DGKD: variants seen among roughly 807,000 people sequenced by gnomAD.
DGKD encodes the protein diacylglycerol kinase delta.
In DGKD, 68 loss-of-function variants were observed where a neutral mutation model predicts 154.4. That is an observed-to-expected ratio of 0.44 (90% confidence interval 0.36 to 0.54). The LOEUF is 0.54. Ranked by LOEUF, DGKD falls within the 20% of genes least tolerant of loss-of-function variation. The pLI is 0.00. For missense variants in DGKD, 1,343 were observed against 1,593.6 expected (o/e 0.84, Z 2.68); for synonymous variants, 693 against 638.0 (o/e 1.09, Z -1.30).
chr2:233,362,639 G>A (rs766732756), intron 1 of DGKD, among the ~76,000 whole-genome samples: 14 of 152,080 alleles, frequency 9.2e-5, no homozygotes, highest in Non-Finnish European at 1.6e-4. Context: ...CGACAAGAGC[G>A]AAACTCTGTA....
intron 16 of DGKD, among the ~76,000 whole-genome samples, chr2:233,450,517 C>T (rs1370282072): frequency 2.0e-5 from 3 of 152,172 alleles, no homozygotes; most frequent in Non-Finnish European, 2.9e-5. Context: ...CCTTGCCCCT[C>T]CTGGAACAGC....
chr2:233,382,432 G>C (rs1415713108), intron 1 of DGKD, among the ~76,000 whole-genome samples: 1 of 152,146 alleles, frequency 6.6e-6, no homozygotes, highest in Non-Finnish European at 1.5e-5. Context: ...GAAGGACCGG[G>C]GAAGTCTAAA....
chr2:233,463,634 C>CTCCTCACTCCACGCATG lies in DGKD; in HGVS notation c.3187-521_3187-505dup, dbSNP rs1412660591. Among the ~76,000 whole-genome samples, 138 of 148,806 alleles carry CTCCTCACTCCACGCATG rather than the reference C, an allele frequency of 9.3e-4. 4 individuals carry two copies. In the East Asian group the frequency reaches 0.022, roughly 24 times the overall value. ...CCACGCATCTCCTCACTCCACGCAT[C>CTCCTCACTCCACGCATG]TCCTCACTCCACGCATGTCCTCACT... On this transcript the variant is annotated intron_variant, in intron 26 of 29. Transcript: ENST00000264057.
intron 3 of DGKD, among the ~76,000 whole-genome samples, chr2:233,432,293 A>G (rs1261635725): frequency 1.1e-5 from 1 of 94,008 alleles, no homozygotes; most frequent in South Asian, 2.7e-4. Flanking sequence ...TGGGAGGCCA[A>G]GGTGGGCGGA....
chr2:233,424,973 T>G (rs775301150), intron 3 of DGKD, among the ~76,000 whole-genome samples: 3 of 152,184 alleles, frequency 2.0e-5, no homozygotes, highest in Non-Finnish European at 4.4e-5. Context: ...GATCACTCCC[T>G]GCGGTTTAAT....
At chr2:233,384,188 C>T (rs143712675) in intron 1 of DGKD, among the ~76,000 whole-genome samples, 1 of 152,242 alleles carries the variant, frequency 6.6e-6, no homozygotes, top group Non-Finnish European at 1.5e-5. Flanking sequence ...CCACCATGTC[C>T]GCTCTGGCAG....
chr2:233,385,796 C>A (rs1334195727), intron 1 of DGKD: 1 of 369,312 alleles, frequency 2.7e-6, no homozygotes, highest in African/African-American at 2.1e-5. Context: ...ATAGTACTCA[C>A]AAGCAGCGAA....
intron 3 of DGKD, among the ~76,000 whole-genome samples, chr2:233,396,373 T>G (rs1284210893): frequency 6.6e-6 from 1 of 152,268 alleles, no homozygotes; most frequent in Admixed American, 6.5e-5. Context: ...TTTGGGAATT[T>G]GGCTCGTTTA....
At chr2:233,469,340 G>A (rs779951424) in intron 29 of DGKD, 31 bp from the exon 30 acceptor site, 61 of 1,584,302 alleles carry the variant, frequency 3.9e-5, no homozygotes, top group Middle Eastern at 1.7e-4. Flanking sequence ...CTGTCTTCTC[G>A]GCATCCATGG....
Position 233,429,184 on chromosome 2 carries a change from C to G in DGKD, c.349-5196C>G, listed in dbSNP as rs989085565. Reference sequence around the variant, plus strand: ...GAGTTCTGGAGCAAAGTTGGCACTTCAGCTCGTAAAGGCTGCCGTGGGAGT... The same window carrying G: ...GAGTTCTGGAGCAAAGTTGGCACTTGAGCTCGTAAAGGCTGCCGTGGGAGT... On this transcript the variant is annotated intron_variant, in intron 3 of 29. Transcript: ENST00000264057. The G allele has an allele frequency of 3.0e-6, 3 of 985,420 alleles. No individual in the cohort carries two copies. In the Admixed American group the frequency reaches 1.8e-4, roughly 61 times the overall value. 61.0% of individuals were successfully genotyped at this position (985,420 alleles called of 1,614,324 possible). A position where few individuals can be genotyped will look rare whatever the true frequency, so the allele number is the denominator to read the frequency against.
At chr2:233,359,886 G>A (rs1701701701) in intron 1 of DGKD, among the ~76,000 whole-genome samples, 2 of 152,114 alleles carry the variant, frequency 1.3e-5, no homozygotes, top group Non-Finnish European at 2.9e-5. Context: ...ATGAGGAGAG[G>A]GCCAGAATAC....
intron 12 of DGKD, 83 bp from the exon 13 acceptor site, chr2:233,448,004 A>C: frequency 6.3e-7 from 1 of 1,592,796 alleles, no homozygotes; most frequent in Non-Finnish European, 8.5e-7. Context: ...GCTGGCAAGG[A>C]AGTGGCTGAC....
rs147727624 is a variant in DGKD, at chr2:233,448,340, G to A, written c.1579G>A (p.Glu527Lys). The A allele has an allele frequency of 1.1e-5, 18 of 1,613,994 alleles. No individual in the cohort carries two copies. Among genetic ancestry groups the A allele is most frequent in the Non-Finnish European group, 1.4e-5 (16 of 1,180,024 alleles). Reference protein sequence around the residue: ...RVGKAYEKTTESSEESEVMAK... With the variant: ...RVGKAYEKTTKSSEESEVMAK... ...GGGGAAGGCCTATGAGAAGACGACC[G>A]AGAGCTCGGAGGAGTCAGAGGTCAT... The change falls in exon 14 of 30, where the codon GAG (glutamate) becomes AAG (lysine). Residue 527 changes from glutamate to lysine, a missense_variant. Physicochemically the swap from Glu to Lys is moderately conservative, Grantham distance 56. Coordinates refer to ENST00000264057, the MANE Select transcript of DGKD (RefSeq NM_152879.3).
intron 17 of DGKD, among the ~76,000 whole-genome samples, chr2:233,451,585 T>A (rs962989976): frequency 1.5e-4 from 23 of 150,656 alleles, no homozygotes; most frequent in Non-Finnish European, 2.4e-4. Context: ...TTTTTTTTTT[T>A]AAAAGAGGGT....
At chr2:233,379,030 C>G (rs1014652479) in intron 1 of DGKD, among the ~76,000 whole-genome samples, 1 of 152,252 alleles carries the variant, frequency 6.6e-6, no homozygotes, top group Non-Finnish European at 1.5e-5. Flanking sequence ...GAACCTGTTT[C>G]AAAACAAAAA....
At chr2:233,450,268 C>CA in intron 16 of DGKD, 137 bp downstream of exon 16, 1 of 1,166,242 alleles carries the variant, frequency 8.6e-7, no homozygotes, top group South Asian at 1.7e-5. Flanking sequence ...ATTGAGCGCC[C>CA]AAGGCCTGTT....
At chr2:233,435,990 A>G (rs1575115166) in intron 6 of DGKD, 66 bp downstream of exon 6, 6 of 1,454,024 alleles carry the variant, frequency 4.1e-6, no homozygotes, top group Non-Finnish European at 5.6e-6. Flanking sequence ...GCCCCATGCA[A>G]GCCTCCTCCC....
At chr2:233,434,685 C>CT (rs2062631808) in intron 4 of DGKD, 84 bp from the exon 5 acceptor site, 3 of 1,561,494 alleles carry the variant, frequency 1.9e-6, no homozygotes, top group Middle Eastern at 1.7e-4. Flanking sequence ...CTCTTGGATA[C>CT]TTTGTTTAAT....
chr2:233,396,064 A>C (rs2125461208), intron 3 of DGKD, among the ~76,000 whole-genome samples: 1 of 152,368 alleles, frequency 6.6e-6, no homozygotes, highest in Admixed American at 6.5e-5. Flanking sequence ...GAAAGGAATC[A>C]AATACGATAT....
Sources: gnomAD v4.1 joint callset for allele counts (sites outside exome capture counted in the v4.1 genomes callset) on GRCh38, gnomAD v4.1.1 for gene constraint, MANE v1.5 for transcripts, NCBI Gene and HGNC (gene_info 2026-07-23, HGNC 2026-07-21) for gene names.